The following MAST4 variants were observed in gnomAD, a reference collection of about 807,000 sequenced individuals.
The protein encoded by MAST4 is microtubule-associated serine/threonine-protein kinase 4.
In MAST4, 89 loss-of-function variants were observed where a neutral mutation model predicts 162.7. The ratio of observed to expected loss-of-function variants is 0.55; its 90% CI spans 0.46 to 0.65. The LOEUF (loss-of-function observed/expected upper bound fraction) is 0.65, where lower values mean the gene tolerates loss of function less well. Among genes scored for constraint, MAST4 ranks in the 30% least tolerant of loss-of-function variants. The probability of loss-of-function intolerance (pLI) is 0.00; values close to 1 mark genes in which losing one functional copy is unlikely to be tolerated. For missense variants in MAST4, 3,153 were observed against 3,374.0 expected (o/e 0.93, Z 1.62); for synonymous variants, 1,479 against 1,361.1 (o/e 1.09, Z -1.91).
intron 4 of MAST4, among the ~76,000 whole-genome samples, chr5:66,901,136 A>G (rs1022780067): frequency 6.6e-6 from 1 of 152,174 alleles, no homozygotes; most frequent in African/African-American, 2.4e-5. Context: ...TCCCATCATG[A>G]TGAGACAAAA....
intron 3 of MAST4, among the ~76,000 whole-genome samples, chr5:66,869,771 A>T (rs181346487): frequency 1.3e-5 from 2 of 152,316 alleles, no homozygotes; most frequent in Admixed American, 1.3e-4. Flanking sequence ...AGATCTGAGC[A>T]AATGCTAGCC....
In MAST4 at chr5:67,058,222, T is replaced by C. The variant is rs144209259; in HGVS notation, c.763+3730T>C. The stretch of plus-strand genomic sequence containing the variant: ...TGAACTCCACCATGGGTGGAGGAGA[T>C]AGTATCATTCACCTAGCATGGGGTC... On this transcript the variant is annotated intron_variant, in intron 5 of 28. Transcript: ENST00000403625. Among the ~76,000 whole-genome samples the C allele has an allele frequency of 1.0e-3, 156 of 152,246 alleles. 1 individual carries two copies. Among genetic ancestry groups the C allele is most frequent in the African/African-American group, 3.5e-3 (144 of 41,552 alleles).
chr5:66,839,053 G>T (rs12652015), intron 3 of MAST4, among the ~76,000 whole-genome samples: 8,619 of 152,220 alleles, frequency 0.057, 406 homozygotes, highest in South Asian at 0.13. Context: ...GATGCTGCTG[G>T]ACCGAGGTGG....
chr5:66,822,351 A>C (rs989440309), intron 3 of MAST4, among the ~76,000 whole-genome samples: 12 of 152,228 alleles, frequency 7.9e-5, no homozygotes, highest in African/African-American at 2.9e-4. Context: ...TTCCAGAAAA[A>C]GCATCAGACT....
At chr5:66,887,172 CACTAACACACA>C (rs1258922685) in intron 3 of MAST4, among the ~76,000 whole-genome samples, 1 of 152,168 alleles carries the variant, frequency 6.6e-6, no homozygotes, top group East Asian at 1.9e-4. Flanking sequence ...ACTTCAAAGT[CACTAACACACA>C]CTGTGCAGCC....
intron 1 of MAST4, among the ~76,000 whole-genome samples, chr5:66,663,576 G>T (rs995155475): frequency 6.6e-6 from 1 of 152,138 alleles, no homozygotes; most frequent in Non-Finnish European, 1.5e-5. Flanking sequence ...GGGAAAGGGT[G>T]TTCAAGGCAG....
chr5:66,850,561 G>A (rs1399747997), intron 3 of MAST4, among the ~76,000 whole-genome samples: 1 of 152,178 alleles, frequency 6.6e-6, no homozygotes, highest in Non-Finnish European at 1.5e-5. Context: ...GATCTCGTGT[G>A]TGGATTGGTC....
intron 1 of MAST4, among the ~76,000 whole-genome samples, chr5:66,642,257 A>G (rs1208454145): frequency 6.6e-6 from 1 of 152,236 alleles, no homozygotes; most frequent in Non-Finnish European, 1.5e-5. Context: ...GGATGCAGTC[A>G]GAAAAATCTG....
chr5:66,619,085 C>T (rs1743907465), intron 1 of MAST4, among the ~76,000 whole-genome samples: 1 of 152,172 alleles, frequency 6.6e-6, no homozygotes, highest in South Asian at 2.1e-4. Flanking sequence ...GAGAATAACA[C>T]TTGTCTATCT....
At chr5:66,764,830 CTT>C (rs951180452) in intron 2 of MAST4, among the ~76,000 whole-genome samples, 22 of 152,030 alleles carry the variant, frequency 1.4e-4, no homozygotes, top group African/African-American at 5.1e-4. Flanking sequence ...AGAAAAATAT[CTT>C]TTAAATCAGT....
At chr5:67,048,985 A>ATT in intron 4 of MAST4, among the ~76,000 whole-genome samples, 1 of 106,944 alleles carries the variant, frequency 9.4e-6, no homozygotes, top group Non-Finnish European at 1.8e-5. Flanking sequence ...ATATATATAT[A>ATT]TGTATATATA....
intron 19 of MAST4, among the ~76,000 whole-genome samples, chr5:67,140,787 G>A (rs762548822): frequency 4.7e-4 from 71 of 152,246 alleles, no homozygotes; most frequent in Non-Finnish European, 9.7e-4. Flanking sequence ...CTTGTCACAA[G>A]TTGGCCCTCA....
At chr5:67,088,741 G>A (rs1763525567) in intron 5 of MAST4, among the ~76,000 whole-genome samples, 1 of 152,166 alleles carries the variant, frequency 6.6e-6, no homozygotes, top group Non-Finnish European at 1.5e-5. Flanking sequence ...GCAGCAGGGG[G>A]AAAAATGCTT....
chr5:66,815,529 G>A (rs1756675977), intron 3 of MAST4, among the ~76,000 whole-genome samples: 2 of 152,120 alleles, frequency 1.3e-5, no homozygotes, highest in African/African-American at 4.8e-5. Flanking sequence ...CTGTGGTTTC[G>A]GGCATTCACC....
intron 16 of MAST4, among the ~76,000 whole-genome samples, chr5:67,132,224 G>C (rs1769068444): frequency 6.6e-6 from 1 of 152,072 alleles, no homozygotes; most frequent in Non-Finnish European, 1.5e-5. Context: ...TGCAGAACGT[G>C]CAGGTTTGTT....
chr5:66,987,930 G>A (rs1219355682), intron 4 of MAST4, among the ~76,000 whole-genome samples: 1 of 152,186 alleles, frequency 6.6e-6, no homozygotes, highest in East Asian at 1.9e-4. Flanking sequence ...TTTAATTAAA[G>A]TTGCTCTTTT....
intron 5 of MAST4, among the ~76,000 whole-genome samples, chr5:67,064,193 G>A (rs927618128): frequency 3.9e-5 from 6 of 152,094 alleles, no homozygotes; most frequent in Admixed American, 3.9e-4. Context: ...GCTCTACAAT[G>A]CTAACATTTT....
At chr5:66,681,049 C>A (rs748004298) in intron 1 of MAST4, among the ~76,000 whole-genome samples, 9 of 152,194 alleles carry the variant, frequency 5.9e-5, no homozygotes, top group Admixed American at 1.3e-4. Context: ...CAATATGATA[C>A]CACTCCCAAA....
Position 67,165,321 on chromosome 5 carries a change from C to CAAG in MAST4, c.6142_6143insAAG (p.Pro2048delinsGlnAla). 6.2e-7 allele frequency: 1 copy of CAAG among 1,613,566 alleles called. No homozygotes were observed. The highest frequency in any genetic ancestry group is 8.5e-7 in the Non-Finnish European group (1 of 1,179,876). On this transcript the variant is annotated protein_altering_variant, in exon 29 of 29. Transcript: ENST00000403625. ...TGGGAAAACGAACCACAAAGATGGC[C>CAAG]CAGGTGAGGCGAGGCCCCCGCCCAG...
Sources: allele counts gnomAD v4.1 joint callset (sites outside exome capture counted in the v4.1 genomes callset), GRCh38; gene constraint gnomAD v4.1.1; transcripts MANE v1.5; gene names NCBI Gene and HGNC (gene_info 2026-07-23, HGNC 2026-07-21).